Variants in ST7L observed in about 807,000 individuals in gnomAD.
The protein encoded by ST7L is suppression of tumorigenicity 7 like.
A neutral mutation model predicts 72.5 loss-of-function variants in ST7L; 57 were observed. The observed-to-expected ratio is 0.79, with a 90% confidence interval of 0.64 to 0.98. The LOEUF is 0.98. ST7L is among the 50% of genes least tolerant of loss of function. The pLI is 0.00. For missense variants in ST7L, 576 were observed against 672.2 expected, an observed-to-expected ratio of 0.86 and a Z score of 1.58; for synonymous variants, 221 against 240.9, an observed-to-expected ratio of 0.92 and a Z score of 0.77.
At chr1:112,569,050 A>G (rs1661613443) in intron 11 of ST7L, among the ~76,000 whole-genome samples, 1 of 151,958 alleles carries the variant, frequency 6.6e-6, no homozygotes, top group Admixed American at 6.6e-5. Flanking sequence ...TGGGATAACT[A>G]TAATAAAAAA....
chr1:112,576,151 C>T (rs375740565), intron 11 of ST7L, among the ~76,000 whole-genome samples: 14 of 152,138 alleles, frequency 9.2e-5, no homozygotes, highest in Admixed American at 2.6e-4. Flanking sequence ...AGTGCAGTGG[C>T]GTGATTGCAG....
chr1:112,518,514 G>A (rs1002548775), downstream of ST7L: 1 of 152,282 alleles, frequency 6.6e-6, no homozygotes, highest in South Asian at 2.1e-4. Flanking sequence ...TTTGTAGGGT[G>A]CTAGAAGAAA....
At chr1:112,538,734 A>G (rs377586557) in intron 14 of ST7L, among the ~76,000 whole-genome samples, 1 of 152,206 alleles carries the variant, frequency 6.6e-6, no homozygotes, top group Admixed American at 6.5e-5. Context: ...CTGTTAGGAC[A>G]TATCTCCTTT....
chr1:112,555,431 G>A (rs1658947380), intron 12 of ST7L, among the ~76,000 whole-genome samples: 1 of 152,064 alleles, frequency 6.6e-6, no homozygotes, highest in Non-Finnish European at 1.5e-5. Flanking sequence ...CGGGCATGGT[G>A]GCAGGCGCCT....
At chr1:112,593,286 TA>T (rs1050942750) in intron 5 of ST7L, among the ~76,000 whole-genome samples, 15 of 152,188 alleles carry the variant, frequency 9.9e-5, no homozygotes, top group African/African-American at 1.7e-4. Context: ...AAAATGTATA[TA>T]TTTTTTTCTA....
intron 7 of ST7L, among the ~76,000 whole-genome samples, chr1:112,582,696 T>C (rs1264603774): frequency 6.6e-6 from 1 of 152,160 alleles, no homozygotes; most frequent in African/African-American, 2.4e-5. Flanking sequence ...TATTAAAACT[T>C]AAAATACACA....
intron 3 of ST7L, 38 bp from the exon 4 acceptor site, chr1:112,600,886 C>T (rs748884677): frequency 2.7e-5 from 42 of 1,564,808 alleles, no homozygotes; most frequent in Non-Finnish European, 3.7e-5. Context: ...AAAAGAGACA[C>T]TTTAAAATCT....
rs1454594612 is a variant in ST7L at position 112,556,011 on chromosome 1, A to G, written c.1253T>C (p.Leu418Ser). ...EFNPHVPKYL[L>S]EMKSLILPPE... The stretch of plus-strand genomic sequence containing the variant: ...AGGTAAAATTAAACTTTTCATCTCT[A>G]ATAAATACTGAAAGAGTAACACACA... Residue 418 changes from leucine (L) to serine (S), a missense_variant, in exon 12 of 15, where the codon TTA becomes TCA. Leu to Ser is a moderately radical substitution (Grantham distance 145). Transcript: ENST00000358039. The G allele has an allele frequency of 3.8e-6, 6 of 1,598,504 alleles. No homozygotes were observed. The highest frequency in any genetic ancestry group is 5.1e-6 in the Non-Finnish European group (6 of 1,172,314).
At chr1:112,618,363 G>C (rs998242096) in intron 1 of ST7L, 2 of 699,504 alleles carry the variant, frequency 2.9e-6, no homozygotes, top group South Asian at 5.7e-5. Flanking sequence ...TATTACTCAA[G>C]ATAAGCCTAA....
chr1:112,541,663 T>C (rs1656121441), intron 14 of ST7L: 1 of 493,300 alleles, frequency 2.0e-6, no homozygotes. Context: ...ATACCAAAGA[T>C]AGTAACAAAT....
At chr1:112,566,253 C>A (rs1399606624) in intron 11 of ST7L, among the ~76,000 whole-genome samples, 1 of 151,332 alleles carries the variant, frequency 6.6e-6, no homozygotes, top group Non-Finnish European at 1.5e-5. Flanking sequence ...ACAAGTAATG[C>A]CCAAATCAAG....
chr1:112,594,100 T>C (rs943043827), intron 5 of ST7L, among the ~76,000 whole-genome samples: 3 of 151,962 alleles, frequency 2.0e-5, no homozygotes, highest in Non-Finnish European at 2.9e-5. Context: ...TATCACTCTT[T>C]CCTATAACTG....
intron 11 of ST7L, among the ~76,000 whole-genome samples, chr1:112,569,823 T>C (rs944740422): frequency 1.3e-5 from 2 of 151,900 alleles, no homozygotes; most frequent in Non-Finnish European, 2.9e-5. Flanking sequence ...CCGGGCGTAG[T>C]GGCACGCACC....
chr1:112,578,534 G>A, intron 9 of ST7L, 117 bp from the exon 10 acceptor site: 2 of 855,344 alleles, frequency 2.3e-6, no homozygotes, highest in East Asian at 2.6e-5. Context: ...CCAGCACTTA[G>A]GGAGGCTGAG....
At position 112,555,949 on chromosome 1, in the gene ST7L, T is replaced by C. The variant is rs374776541; in HGVS notation, c.1315A>G (p.Ile439Val). ...HILKRGDSEA[I>V]AYAFFHLQHW... ...TGAAGATGAAAGAAAGCATAGGCAATTGCTTCACTATCACCCCGTTTCAGA... is the reference window on the plus strand; with the variant it reads ...TGAAGATGAAAGAAAGCATAGGCAACTGCTTCACTATCACCCCGTTTCAGA... Residue 439 changes from isoleucine (I) to valine (V), a missense_variant, in exon 12 of 15, where the codon ATT (isoleucine) becomes GTT (valine). Physicochemically the swap from Ile to Val is conservative, Grantham distance 29. This residue lies in a region of ST7L where 511 missense variants were observed against 600.7 expected (regional missense o/e 0.85). Transcript: ENST00000358039. The C allele has an allele frequency of 3.7e-6, 6 of 1,612,574 alleles. No homozygotes were observed. Among genetic ancestry groups the C allele is most frequent in the South Asian group, 1.1e-5 (1 of 90,830 alleles).
chr1:112,556,724 T>A (rs1659168805), intron 11 of ST7L, among the ~76,000 whole-genome samples: 1 of 151,880 alleles, frequency 6.6e-6, no homozygotes. Flanking sequence ...ACACCTGTAA[T>A]CCCAACACTT....
chr1:112,536,381 A>C (rs1437190015), intron 14 of ST7L, among the ~76,000 whole-genome samples: 1 of 152,146 alleles, frequency 6.6e-6, no homozygotes, highest in African/African-American at 2.4e-5. Flanking sequence ...ATTGGTATAC[A>C]TTAATATATA....
At chr1:112,519,872 C>CTTCTTCTT (rs10634267), downstream of ST7L, among the ~76,000 whole-genome samples, 25 of 115,650 alleles carry the variant, frequency 2.2e-4, no homozygotes, top group Non-Finnish European at 3.6e-4. Context: ...GCCCATGCTT[C>CTTCTTCTT]TTTTTTTTTT....
intron 3 of ST7L, chr1:112,607,345 A>G (rs987346633): frequency 2.6e-5 from 4 of 152,404 alleles, no homozygotes; most frequent in African/African-American, 9.7e-5. Context: ...CATGCCTGTA[A>G]TCCCAGCACT....
Sources: gnomAD v4.1 joint callset for allele counts (sites outside exome capture counted in the v4.1 genomes callset) on GRCh38, gnomAD v4.1.1 for gene constraint, gnomAD v4.1.1 regional missense constraint, MANE v1.5 for transcripts, NCBI Gene and HGNC (gene_info 2026-07-23, HGNC 2026-07-21) for gene names.